Variants in ASIC2 observed in about 807,000 individuals in gnomAD.
The protein encoded by ASIC2 is acid sensing ion channel subunit 2.
In ASIC2, 25 loss-of-function variants were observed where a neutral mutation model predicts 57.3. That is an observed-to-expected ratio of 0.44 (90% CI 0.32 to 0.61). The LOEUF is 0.61. ASIC2 is among the 20% of genes least tolerant of loss of function. The pLI, the probability that ASIC2 is intolerant of heterozygous loss-of-function variation, is 0.06. For missense variants in ASIC2, 641 were observed against 738.1 expected, an observed-to-expected ratio of 0.87 and a Z score of 1.52; for synonymous variants, 319 against 307.5, an observed-to-expected ratio of 1.04 and a Z score of -0.39.
At chr17:33,823,983 G>C (rs1912830606) in intron 1 of ASIC2, among the ~76,000 whole-genome samples, 1 of 152,164 alleles carries the variant, frequency 6.6e-6, no homozygotes, top group Admixed American at 6.5e-5. Context: ...GGCTAAAACT[G>C]AGGAGAGTGG....
chr17:33,799,485 TCTTTCTTTCTTA>T (rs1912064794), intron 1 of ASIC2, among the ~76,000 whole-genome samples: 3 of 144,322 alleles, frequency 2.1e-5, no homozygotes, highest in Admixed American at 1.4e-4. Flanking sequence ...TTTCCTTCTT[TCTTTCTTTCTTA>T]CTTTCTTTCT....
chr17:33,425,302 CAGA>C (rs1567857053), intron 1 of ASIC2, among the ~76,000 whole-genome samples: 1 of 152,076 alleles, frequency 6.6e-6, no homozygotes, highest in African/African-American at 2.4e-5. Context: ...AGAAAGGAAA[CAGA>C]AGAAGGAGAA....
intron 1 of ASIC2, among the ~76,000 whole-genome samples, chr17:33,270,882 T>G (rs116778913): frequency 6.6e-6 from 1 of 152,218 alleles, no homozygotes; most frequent in African/African-American, 2.4e-5. Context: ...CTAAGCACTT[T>G]AAAGACAACA....
intron 3 of ASIC2, among the ~76,000 whole-genome samples, chr17:33,030,720 A>C (rs2091879547): frequency 6.6e-6 from 1 of 152,182 alleles, no homozygotes; most frequent in South Asian, 2.1e-4. Flanking sequence ...TTTTATCATC[A>C]GTGATATATA....
intron 1 of ASIC2, among the ~76,000 whole-genome samples, chr17:33,579,371 A>C (rs887186306): frequency 3.3e-5 from 5 of 151,832 alleles, no homozygotes; most frequent in Non-Finnish European, 7.4e-5. Context: ...GTATGTTTAC[A>C]AACCTCTAAC....
rs1020974205 is a variant in ASIC2 at position 33,022,234 on chromosome 17, G to A, written c.1350-924C>T. Among the ~76,000 whole-genome samples the A allele has an allele frequency of 5.9e-5, 9 of 152,108 alleles. No homozygotes were observed. In the South Asian group the frequency reaches 1.5e-3, roughly 25 times the overall value. On this transcript the variant is annotated intron_variant, in intron 6 of 9. Transcript: ENST00000225823. ...CCTTCTTCCCATCTGCCTTTCCCCCGTCTTCTCTATCGCCGCCTGAAGGAT... is the reference window on the plus strand; with the variant it reads ...CCTTCTTCCCATCTGCCTTTCCCCCATCTTCTCTATCGCCGCCTGAAGGAT...
intron 1 of ASIC2, among the ~76,000 whole-genome samples, chr17:33,982,851 A>ATGTG (rs1208569750): frequency 6.6e-6 from 1 of 152,198 alleles, no homozygotes; most frequent in Non-Finnish European, 1.5e-5. Flanking sequence ...ATATGTGTGT[A>ATGTG]TGTGTACATG....
intron 1 of ASIC2, among the ~76,000 whole-genome samples, chr17:33,966,285 G>A (rs896333465): frequency 6.6e-6 from 1 of 152,196 alleles, no homozygotes; most frequent in Non-Finnish European, 1.5e-5. Flanking sequence ...ATGGGCTTTG[G>A]AAGGAGGCAG....
intron 1 of ASIC2, among the ~76,000 whole-genome samples, chr17:33,523,651 T>A (rs981126492): frequency 6.6e-6 from 1 of 152,184 alleles, no homozygotes; most frequent in Non-Finnish European, 1.5e-5. Flanking sequence ...TCTGGCAGGT[T>A]CCCCTTCCCA....
intron 1 of ASIC2, among the ~76,000 whole-genome samples, chr17:33,734,012 G>A (rs914417837): frequency 6.6e-6 from 1 of 152,022 alleles, no homozygotes; most frequent in Admixed American, 6.5e-5. Flanking sequence ...CTCCCCCTAG[G>A]CCTCTGCAAA....
intron 1 of ASIC2, among the ~76,000 whole-genome samples, chr17:33,485,783 A>G (rs1330570877): frequency 6.6e-6 from 1 of 152,204 alleles, no homozygotes; most frequent in Non-Finnish European, 1.5e-5. Context: ...GTTTAAATAA[A>G]ACACTCAGTG....
chr17:33,616,598 A>G (rs914957965), intron 1 of ASIC2, among the ~76,000 whole-genome samples: 1 of 152,186 alleles, frequency 6.6e-6, no homozygotes, highest in African/African-American at 2.4e-5. Flanking sequence ...ATCTCACTGT[A>G]GTTTCAGTTA....
chr17:33,605,554 T>C (rs1420144751), intron 1 of ASIC2, among the ~76,000 whole-genome samples: 1 of 152,252 alleles, frequency 6.6e-6, no homozygotes, highest in Non-Finnish European at 1.5e-5. Context: ...AAGTCCTGTG[T>C]AATTAACATG....
chr17:33,914,204 A>C (rs1915534305), intron 1 of ASIC2, among the ~76,000 whole-genome samples: 1 of 152,234 alleles, frequency 6.6e-6, no homozygotes, highest in Admixed American at 6.5e-5. Context: ...TCTACATTGC[A>C]AACGGTCCAT....
chr17:34,061,865 A>G (rs1253833046), intron 1 of ASIC2, among the ~76,000 whole-genome samples: 1 of 152,210 alleles, frequency 6.6e-6, no homozygotes, highest in Non-Finnish European at 1.5e-5. Context: ...TGAAGCTCCC[A>G]AATTTATAAA....
intron 3 of ASIC2, among the ~76,000 whole-genome samples, chr17:33,036,180 T>A (rs2091907743): frequency 6.6e-6 from 1 of 152,206 alleles, no homozygotes; most frequent in Non-Finnish European, 1.5e-5. Flanking sequence ...TATACTTACT[T>A]GAATATTTGC....
chr17:34,012,932 A>AT (rs1221697296), intron 1 of ASIC2, among the ~76,000 whole-genome samples: 4 of 151,950 alleles, frequency 2.6e-5, no homozygotes. Context: ...AGAAAGCACC[A>AT]TTTTCTCAGG....
At chr17:33,282,724 T>A (rs1905008096) in intron 1 of ASIC2, among the ~76,000 whole-genome samples, 1 of 152,118 alleles carries the variant, frequency 6.6e-6, no homozygotes, top group Non-Finnish European at 1.5e-5. Context: ...ATCTGCCGCC[T>A]CAGCTTCCCA....
At chr17:33,916,216 G>T (rs983734865) in intron 1 of ASIC2, among the ~76,000 whole-genome samples, 13 of 152,222 alleles carry the variant, frequency 8.5e-5, no homozygotes, top group African/African-American at 3.1e-4. Context: ...ACCTGAGCCA[G>T]TTAGTGATCT....
Sources: allele counts gnomAD v4.1 joint callset (sites outside exome capture counted in the v4.1 genomes callset), GRCh38; gene constraint gnomAD v4.1.1; transcripts MANE v1.5; gene names NCBI Gene and HGNC (gene_info 2026-07-23, HGNC 2026-07-21).